Variants in SMC1A observed in about 807,000 individuals in gnomAD.
SMC1A encodes the protein structural maintenance of chromosomes protein 1A.
In SMC1A, 4 loss-of-function variants were observed where a neutral mutation model predicts 94.5. The ratio of observed to expected loss-of-function variants is 0.04; its 90% CI spans 0.02 to 0.10. The LOEUF is 0.10. Ranked by LOEUF, SMC1A falls within the 10% of genes least tolerant of loss-of-function variation. The probability of loss-of-function intolerance (pLI) is 1.00; values close to 1 mark genes in which losing one functional copy is unlikely to be tolerated. For synonymous variants in SMC1A, 345 were observed against 347.7 expected, an observed-to-expected ratio of 0.99 and a Z score of 0.09; for missense variants, 304 against 989.0, an observed-to-expected ratio of 0.31 and a Z score of 9.29.
At chrX:53,399,833 C>A in intron 15 of SMC1A, 103 bp from the exon 16 acceptor site, 1 of 818,801 alleles carries the variant, frequency 1.2e-6, no homozygotes, top group East Asian at 3.4e-5. Context: ...AGACCCAGGG[C>A]TCAGGGACCC....
At chrX:53,392,830 T>C (rs2075634901) in intron 19 of SMC1A, among the ~76,000 whole-genome samples, 1 of 111,976 alleles carries the variant, frequency 8.9e-6, no homozygotes, top group African/African-American at 3.2e-5. Flanking sequence ...CATGAGCCAC[T>C]GTGCCCGGCC....
rs142024126 is a variant in SMC1A at position 53,397,190 on chromosome X, C to T, written c.2563-573G>A. Among the ~76,000 whole-genome samples the T allele has an allele frequency of 9.7e-3, 1,081 of 111,132 alleles. 13 individuals carry two copies. Among genetic ancestry groups the T allele is most frequent in the African/African-American group, 0.034 (1,032 of 30,580 alleles). On this transcript the variant is annotated intron_variant, in intron 16 of 24. Coordinates refer to ENST00000322213, the MANE Select transcript of SMC1A (RefSeq NM_006306.4). Reference sequence around the variant, plus strand: ...ATCACCTCTGGCAAGACGAAGGGGACTAGGATGAAGAGTGGTCAGCCAAAG... The same window carrying T: ...ATCACCTCTGGCAAGACGAAGGGGATTAGGATGAAGAGTGGTCAGCCAAAG...
intron 22 of SMC1A, chrX:53,381,756 G>C (rs2075584287): frequency 9.7e-6 from 2 of 207,128 alleles, no homozygotes; most frequent in Non-Finnish European, 1.8e-5. Flanking sequence ...CGCAGGGTCT[G>C]GTACAGAGCA....
intron 1 of SMC1A, among the ~76,000 whole-genome samples, chrX:53,419,823 CAAAAAAA>C (rs782629535): frequency 2.8e-5 from 2 of 70,195 alleles, no homozygotes; most frequent in African/African-American, 5.0e-5. Flanking sequence ...GACTTCATCT[CAAAAAAA>C]AAAAAAAGAA....
rs1556885575 is a variant in SMC1A, at chrX:53,379,074, G to A, written c.*1029C>T. On this transcript the variant is annotated 3_prime_UTR_variant, in exon 25 of 25. Transcript: ENST00000322213. Reference sequence around the variant, plus strand: ...AAGCTCTCAGGGGTCCAGGCATGAGGGTTATATTCTGAGGGGTCGGCACCT... The same window carrying A: ...AAGCTCTCAGGGGTCCAGGCATGAGAGTTATATTCTGAGGGGTCGGCACCT... 8.9e-6 allele frequency: 1 copy of A among 111,884 alleles called. No individual in the cohort carries two copies. The highest frequency in any genetic ancestry group is 3.2e-5 in the African/African-American group (1 of 30,777). 9.2% of individuals were successfully genotyped at this position (111,884 alleles called of 1,213,427 possible).
chrX:53,421,276 C>G (rs782349229), intron 1 of SMC1A, among the ~76,000 whole-genome samples: 2 of 111,925 alleles, frequency 1.8e-5, no homozygotes, highest in South Asian at 7.4e-4. Flanking sequence ...ATTGTCATGC[C>G]TGGGGAGCAG....
intron 16 of SMC1A, among the ~76,000 whole-genome samples, chrX:53,397,206 T>C (rs2075654598): frequency 9.0e-6 from 1 of 111,641 alleles, no homozygotes; most frequent in Non-Finnish European, 1.9e-5. Flanking sequence ...TGAAGAGTGG[T>C]CAGCCAAAGG....
chrX:53,404,708 C>T (rs1490993161), intron 13 of SMC1A, among the ~76,000 whole-genome samples: 4 of 111,472 alleles, frequency 3.6e-5, no homozygotes, highest in Non-Finnish European at 5.6e-5. Context: ...TGGTCTCCAA[C>T]TCCTGACCTC....
intron 4 of SMC1A, 26 bp from the exon 5 acceptor site, chrX:53,413,164 G>A (rs1556890794): frequency 8.3e-7 from 1 of 1,211,858 alleles, no homozygotes; most frequent in Non-Finnish European, 1.1e-6. Flanking sequence ...AATGGTGGCA[G>A]GGGTGCATCG....
chrX:53,417,079 T>A (rs943534287), intron 1 of SMC1A, among the ~76,000 whole-genome samples: 1 of 109,658 alleles, frequency 9.1e-6, no homozygotes, highest in Non-Finnish European at 1.9e-5. Context: ...AGCCACCATA[T>A]CCAGCCTAAT....
Position 53,405,872 on chromosome X carries a change from C to T in SMC1A, c.1630G>A (p.Ala544Thr). 8.3e-7 allele frequency: 1 copy of T among 1,211,111 alleles called. No individual in the cohort carries two copies. Among genetic ancestry groups the T allele is most frequent in the Non-Finnish European group, 1.1e-6 (1 of 894,979 alleles). Residue 544 changes from alanine (A) to threonine (T), a missense_variant, in exon 10 of 25, where the codon GCC (alanine) becomes ACC (threonine). Around this residue, in one of 11 missense-constraint regions of SMC1A, gnomAD observed 57 missense variants for 278.1 expected, o/e 0.20. Coordinates refer to ENST00000322213, the MANE Select transcript of SMC1A (RefSeq NM_006306.4). Reference sequence around the variant, plus strand: ...GTCTTCTCCGAGTCCACAATAATGGCATCCATGTTCTTGCCCAAAACCTTG... The same window carrying T: ...GTCTTCTCCGAGTCCACAATAATGGTATCCATGTTCTTGCCCAAAACCTTG... ...VTKVLGKNMD[A>T]IIVDSEKTGR...
At chrX:53,399,859 C>T (rs2075664888) in intron 15 of SMC1A, 129 bp from the exon 16 acceptor site, 4 of 649,924 alleles carry the variant, frequency 6.2e-6, no homozygotes, top group Non-Finnish European at 9.3e-6. Flanking sequence ...TACTGATTTT[C>T]AGTCACAACT....
chrX:53,390,973 C>CAAAAAAAAAA (rs782771730), intron 19 of SMC1A, among the ~76,000 whole-genome samples: 4 of 34,321 alleles, frequency 1.2e-4, no homozygotes, highest in Non-Finnish European at 1.8e-4. Context: ...GACTCCGTCT[C>CAAAAAAAAAA]AAAAAAAAAA....
chrX:53,394,466 G>C (rs1386843009), intron 19 of SMC1A, among the ~76,000 whole-genome samples: 1 of 111,616 alleles, frequency 9.0e-6, no homozygotes, highest in Non-Finnish European at 1.9e-5. Flanking sequence ...TCACTGTACT[G>C]AAGTCTCTTC....
At chrX:53,404,214 A>G (rs1158194546) in intron 13 of SMC1A, among the ~76,000 whole-genome samples, 8 of 110,960 alleles carry the variant, frequency 7.2e-5, no homozygotes, top group African/African-American at 2.6e-4. Context: ...TTGAGTTTAG[A>G]AAAAGATATA....
At chrX:53,404,212 A>G (rs1402810844) in intron 13 of SMC1A, among the ~76,000 whole-genome samples, 1 of 111,001 alleles carries the variant, frequency 9.0e-6, no homozygotes, top group Non-Finnish European at 1.9e-5. Context: ...TTTTGAGTTT[A>G]GAAAAAGATA....
intron 3 of SMC1A, 123 bp downstream of exon 3, chrX:53,414,635 A>G: frequency 1.9e-6 from 1 of 534,873 alleles, no homozygotes; most frequent in African/African-American, 2.3e-5. Context: ...TGGGAAGCTC[A>G]GTGAACAAGG....
At chrX:53,391,475 AGAG>A (rs1181157441) in intron 19 of SMC1A, among the ~76,000 whole-genome samples, 1 of 109,689 alleles carries the variant, frequency 9.1e-6, no homozygotes, top group Admixed American at 9.7e-5. Context: ...AAAAAAAAAA[AGAG>A]AAGAAGAAGA....
Position 53,397,173 on chromosome X carries a change from T to C in SMC1A, c.2563-556A>G, listed in dbSNP as rs1170620836. 8.1e-5 allele frequency among the ~76,000 whole-genome samples: 9 copies of C among 111,607 alleles called. No homozygotes were observed. In the Admixed American group the frequency reaches 8.6e-4, roughly 11 times the overall value. ...TTAAAGGGTCTGGAAGAATCACCTCTGGCAAGACGAAGGGGACTAGGATGA... is the reference window on the plus strand; with the variant it reads ...TTAAAGGGTCTGGAAGAATCACCTCCGGCAAGACGAAGGGGACTAGGATGA... On this transcript the variant is annotated intron_variant, in intron 16 of 24. Transcript: ENST00000322213.
Sources: gnomAD v4.1 joint callset for allele counts (sites outside exome capture counted in the v4.1 genomes callset) on GRCh38, gnomAD v4.1.1 for gene constraint, gnomAD v4.1.1 regional missense constraint, MANE v1.5 for transcripts, NCBI Gene and HGNC (gene_info 2026-07-23, HGNC 2026-07-21) for gene names.